PRKAG2: variants seen among roughly 807,000 people sequenced by gnomAD.
PRKAG2 encodes the protein protein kinase AMP-activated non-catalytic subunit gamma 2, also known as 5'-AMP-activated protein kinase subunit gamma-2.
Under a neutral mutation model 69.6 loss-of-function variants are expected in PRKAG2, and 26 were observed. That is an observed-to-expected ratio of 0.37 (90% CI 0.27 to 0.52). The LOEUF (loss-of-function observed/expected upper bound fraction) is 0.52. Among genes scored for constraint, PRKAG2 ranks in the 20% least tolerant of loss-of-function variants. The pLI, the probability that PRKAG2 is intolerant of heterozygous loss-of-function variation, is 0.90. For missense variants in PRKAG2, 557 were observed against 740.0 expected, an observed-to-expected ratio of 0.75 and a Z score of 2.87; for synonymous variants, 293 against 285.0, an observed-to-expected ratio of 1.03 and a Z score of -0.28.
chr7:151,737,445 T>A (rs560274620), intron 3 of PRKAG2, among the ~76,000 whole-genome samples: 1 of 152,232 alleles, frequency 6.6e-6, no homozygotes, highest in South Asian at 2.1e-4. Context: ...GGAGACTATG[T>A]CAGACCAGTT....
intron 3 of PRKAG2, among the ~76,000 whole-genome samples, chr7:151,762,924 G>A (rs2075502623): frequency 6.6e-6 from 1 of 152,178 alleles, no homozygotes; most frequent in African/African-American, 2.4e-5. Context: ...TCAAGACCAT[G>A]GGGACAAACA....
At chr7:151,717,304 G>A (rs1036412860) in intron 3 of PRKAG2, among the ~76,000 whole-genome samples, 11 of 151,024 alleles carry the variant, frequency 7.3e-5, no homozygotes, top group Non-Finnish European at 1.0e-4. Context: ...CTGTAAAATC[G>A]CATAAAAAGA....
chr7:151,686,660 C>A (rs1039276460), intron 3 of PRKAG2, among the ~76,000 whole-genome samples: 2 of 152,216 alleles, frequency 1.3e-5, no homozygotes, highest in African/African-American at 4.8e-5. Context: ...CTCCCCACCC[C>A]ACTCCAGCCC....
At chr7:151,662,670 G>A (rs1830498879) in intron 4 of PRKAG2, among the ~76,000 whole-genome samples, 1 of 152,186 alleles carries the variant, frequency 6.6e-6, no homozygotes, top group South Asian at 2.1e-4. Flanking sequence ...GGAGGCCAAG[G>A]AAGGAGGATG....
At chr7:151,669,136 C>T (rs1161618471) in intron 4 of PRKAG2, among the ~76,000 whole-genome samples, 1 of 152,110 alleles carries the variant, frequency 6.6e-6, no homozygotes, top group Admixed American at 6.5e-5. Context: ...TTTAATTTCT[C>T]CCTGCACTCA....
rs1168012217 is a variant in PRKAG2, at chr7:151,772,977, A to AAATGAATGAATG, written c.466+8174_466+8175insCATTCATTCATT. ...CCTGGATGACAGAGACCCTGTCTCT[A>AAATGAATGAATG]AATGAATGAAAGAAAGAAAGAAAGA... On this transcript the variant is annotated intron_variant, in intron 3 of 15. Coordinates refer to ENST00000287878, the MANE Select transcript of PRKAG2 (RefSeq NM_016203.4). Among the ~76,000 whole-genome samples, 63 of 136,570 alleles carry AAATGAATGAATG rather than the reference A, an allele frequency of 4.6e-4. 2 individuals are homozygous for AAATGAATGAATG. Among genetic ancestry groups the AAATGAATGAATG allele is most frequent in the African/African-American group, 1.8e-3 (62 of 34,746 alleles). The allele number at this position is 136,570 out of a possible 152,430, so 89.6% of individuals were successfully genotyped here. A position where few individuals can be genotyped will look rare whatever the true frequency, so the allele number is the denominator to read the frequency against.
chr7:151,783,048 C>A (rs1330664571), intron 2 of PRKAG2, among the ~76,000 whole-genome samples: 1 of 152,238 alleles, frequency 6.6e-6, no homozygotes, highest in Non-Finnish European at 1.5e-5. Context: ...TCTCTCTGTC[C>A]CACCACGGGG....
chr7:151,730,326 C>G (rs1040027536), intron 3 of PRKAG2, among the ~76,000 whole-genome samples: 4 of 152,146 alleles, frequency 2.6e-5, no homozygotes, highest in African/African-American at 9.7e-5. Context: ...ATTGTTAACC[C>G]TGGAAGACAG....
At chr7:151,842,755 T>G (rs971640716) in intron 1 of PRKAG2, among the ~76,000 whole-genome samples, 11 of 150,516 alleles carry the variant, frequency 7.3e-5, no homozygotes, top group Non-Finnish European at 1.6e-4. Flanking sequence ...TAGGTAGTGA[T>G]GGGTAGTGAT....
chr7:151,653,358 CT>C (rs1247834288), intron 4 of PRKAG2, among the ~76,000 whole-genome samples: 1 of 152,084 alleles, frequency 6.6e-6, no homozygotes, highest in Admixed American at 6.6e-5. Context: ...CTTCAGTCCC[CT>C]TTAGATCGAA....
At chr7:151,724,476 A>G (rs867451448) in intron 3 of PRKAG2, among the ~76,000 whole-genome samples, 2 of 152,074 alleles carry the variant, frequency 1.3e-5, no homozygotes, top group African/African-American at 4.8e-5. Flanking sequence ...TGACTTCCCA[A>G]GGCAGGGAGG....
chr7:151,779,878 T>C (rs1586478595), intron 3 of PRKAG2, among the ~76,000 whole-genome samples: 1 of 152,288 alleles, frequency 6.6e-6, no homozygotes, highest in East Asian at 1.9e-4. Flanking sequence ...TACAGCACTT[T>C]GATCCCTCAT....
chr7:151,601,333 G>A (rs1402196635), intron 5 of PRKAG2, among the ~76,000 whole-genome samples: 1 of 152,178 alleles, frequency 6.6e-6, no homozygotes, highest in Non-Finnish European at 1.5e-5. Context: ...CTCGTTAACA[G>A]TGACTGTGTA....
At chr7:151,564,502 C>A (rs1288500062) in intron 13 of PRKAG2, among the ~76,000 whole-genome samples, 2 of 152,152 alleles carry the variant, frequency 1.3e-5, no homozygotes, top group African/African-American at 4.8e-5. Context: ...CCAAAGACTG[C>A]CCCCCAATTT....
intron 5 of PRKAG2, among the ~76,000 whole-genome samples, chr7:151,610,623 A>G (rs1458244682): frequency 7.4e-6 from 1 of 135,912 alleles, no homozygotes; most frequent in African/African-American, 2.7e-5. Context: ...GTTGCAGTGA[A>G]CTGATATCGC....
Position 151,616,359 on chromosome 7 carries a change from CTCTTT to C in PRKAG2, c.754+15705_754+15709del, listed in dbSNP as rs200156627. On this transcript the variant is annotated intron_variant, in intron 5 of 15. Transcript: ENST00000287878. ...ACCTGATACCAAGTTAAACCCCTCT[CTCTTT>C]TATCACGACCACTGACTATTATATT... Among the ~76,000 whole-genome samples, 1,301 of 152,352 alleles carry C rather than the reference CTCTTT, an allele frequency of 8.5e-3. 15 individuals carry two copies. Among genetic ancestry groups the C allele is most frequent in the African/African-American group, 0.029 (1,218 of 41,572 alleles).
chr7:151,713,586 A>ATTTT (rs200647217), intron 3 of PRKAG2, among the ~76,000 whole-genome samples: 1 of 142,092 alleles, frequency 7.0e-6, no homozygotes, highest in South Asian at 2.2e-4. Context: ...TGCTTTTTTA[A>ATTTT]TTTTTTTTTT....
intron 3 of PRKAG2, among the ~76,000 whole-genome samples, chr7:151,753,512 G>A (rs1339179341): frequency 6.6e-6 from 1 of 152,122 alleles, no homozygotes; most frequent in African/African-American, 2.4e-5. Context: ...GGGTGAAAAG[G>A]ATATGAGAAC....
intron 1 of PRKAG2, among the ~76,000 whole-genome samples, chr7:151,875,767 C>T (rs2080381495): frequency 2.0e-5 from 3 of 152,134 alleles, no homozygotes; most frequent in Admixed American, 1.3e-4. Flanking sequence ...GCCCGCCGCC[C>T]CTCTGGCTGG....
Sources: allele counts gnomAD v4.1 joint callset (sites outside exome capture counted in the v4.1 genomes callset), GRCh38; gene constraint gnomAD v4.1.1; transcripts MANE v1.5; gene names NCBI Gene and HGNC (gene_info 2026-07-23, HGNC 2026-07-21).